Variants in ACVR2B observed in about 807,000 individuals in gnomAD.
ACVR2B encodes the protein activin A receptor type 2B, also known as activin receptor type-2B.
ACVR2B carries 18 observed loss-of-function variants against 65.1 expected under a neutral mutation model. The observed-to-expected ratio is 0.28, with a 90% CI of 0.19 to 0.41. The LOEUF is 0.41. ACVR2B is among the 10% of genes least tolerant of loss of function. The pLI, the probability that ACVR2B is intolerant of heterozygous loss-of-function variation, is 1.00. For missense variants in ACVR2B, 482 were observed against 682.7 expected, an observed-to-expected ratio of 0.71 and a Z score of 3.28; for synonymous variants, 298 against 277.7, an observed-to-expected ratio of 1.07 and a Z score of -0.73.
At chr3:38,478,972 C>T (rs1559654008) in intron 5 of ACVR2B, among the ~76,000 whole-genome samples, 156 bp from the exon 6 acceptor site, 3 of 150,474 alleles carry the variant, frequency 2.0e-5, no homozygotes, top group East Asian at 3.9e-4. Context: ...TCCTGGTCCC[C>T]TTACAAATGC....
chr3:38,483,459 C>G lies in ACVR2B; in HGVS notation c.*127C>G. The G allele has an allele frequency of 1.7e-6, 1 of 582,090 alleles. No homozygotes were observed. The highest frequency in any genetic ancestry group is 2.9e-6 in the Non-Finnish European group (1 of 349,588). The allele number at this position is 582,090 out of a possible 1,614,324, so 36.1% of individuals were successfully genotyped here. A position where few individuals can be genotyped will look rare whatever the true frequency, so the allele number is the denominator to read the frequency against. On this transcript the variant is annotated 3_prime_UTR_variant, in exon 11 of 11. Transcript: ENST00000352511. The surrounding 1 kb of genome is among the most constrained non-coding windows in gnomAD (Gnocchi z 4.8). ...AAATGCAGCTGCTATTTTACCTTGA[C>G]TTTTTATTATTATTATTATAATTAT...
intron 1 of ACVR2B, among the ~76,000 whole-genome samples, chr3:38,455,193 C>G (rs1709526165): frequency 6.6e-6 from 1 of 152,014 alleles, no homozygotes; most frequent in Non-Finnish European, 1.5e-5. Flanking sequence ...GGAGTTCCGC[C>G]TGGAAAGCTT....
intron 1 of ACVR2B, among the ~76,000 whole-genome samples, chr3:38,457,519 C>G (rs527653605): frequency 2.1e-4 from 32 of 152,340 alleles, no homozygotes; most frequent in African/African-American, 7.0e-4. Flanking sequence ...CTTTTGTGGT[C>G]TGTGCTTGGC....
At position 38,487,722 on chromosome 3, in the gene ACVR2B, G is replaced by C. The variant is rs1710146569; in HGVS notation, c.*4390G>C. 6.6e-6 allele frequency: 1 copy of C among 152,172 alleles called. No individual in the cohort carries two copies. Among genetic ancestry groups the C allele is most frequent in the African/African-American group, 2.4e-5 (1 of 41,440 alleles). The allele number at this position is 152,172 out of a possible 1,614,324, so 9.4% of individuals were successfully genotyped here. A position where few individuals can be genotyped will look rare whatever the true frequency, so the allele number is the denominator to read the frequency against. On this transcript the variant is annotated 3_prime_UTR_variant, in exon 11 of 11. Coordinates refer to ENST00000352511, the MANE Select transcript of ACVR2B (RefSeq NM_001106.4). ...AGTATAAAGTTTCCAGCATCTATTG[G>C]TAACACAAAGATTTGCTGGTTTTTA... is the stretch of plus-strand genomic sequence containing the variant.
At chr3:38,470,539 AT>A (rs879581817) in intron 1 of ACVR2B, among the ~76,000 whole-genome samples, 1 of 152,154 alleles carries the variant, frequency 6.6e-6, no homozygotes. Context: ...CTACTGAAAT[AT>A]TTTTTTTCAG....
At chr3:38,480,513 A>C (rs1048967645) in intron 7 of ACVR2B, among the ~76,000 whole-genome samples, 7 of 152,200 alleles carry the variant, frequency 4.6e-5, no homozygotes, top group African/African-American at 1.7e-4. Context: ...GAGGAACAGT[A>C]GTACAGAGAA....
chr3:38,488,612 T>G lies in ACVR2B; in HGVS notation c.*5280T>G, dbSNP rs1710161844. ...AAGAATTTACCATTATTTAAATTATTACCAAGTTTTTACATTTTCATGATG... is the reference window on the plus strand; with the variant it reads ...AAGAATTTACCATTATTTAAATTATGACCAAGTTTTTACATTTTCATGATG... On this transcript the variant is annotated 3_prime_UTR_variant, in exon 11 of 11. Coordinates refer to ENST00000352511, the MANE Select transcript of ACVR2B (RefSeq NM_001106.4). 6.6e-6 allele frequency: 1 copy of G among 152,236 alleles called. No individual in the cohort carries two copies. Among genetic ancestry groups the G allele is most frequent in the Non-Finnish European group, 1.5e-5 (1 of 68,040 alleles). The allele number at this position is 152,236 out of a possible 1,614,324, so 9.4% of individuals were successfully genotyped here. A position where few individuals can be genotyped will look rare whatever the true frequency, so the allele number is the denominator to read the frequency against.
intron 1 of ACVR2B, among the ~76,000 whole-genome samples, chr3:38,458,037 C>T (rs561795225): frequency 1.3e-5 from 2 of 152,076 alleles, no homozygotes; most frequent in Admixed American, 1.3e-4. Context: ...TCTTAGGGGC[C>T]CTTTCAAGGC....
Position 38,479,739 on chromosome 3 carries a change from C to T in ACVR2B, c.872C>T (p.Ala291Val). Reference sequence around the variant, plus strand: ...ACATGGAACGAACTGTGTCATGTAGCAGAGACGATGTCACGAGGCCTCTCA... The same window carrying T: ...ACATGGAACGAACTGTGTCATGTAGTAGAGACGATGTCACGAGGCCTCTCA... ...IITWNELCHV[A>V]ETMSRGLSYL... Residue 291 changes from alanine to valine, a missense_variant, in exon 7 of 11, where the codon GCA becomes GTA. Around this residue, in one of 5 missense-constraint regions of ACVR2B, gnomAD observed 223 missense variants for 386.3 expected, o/e 0.58. Coordinates refer to ENST00000352511, the MANE Select transcript of ACVR2B (RefSeq NM_001106.4). The T allele has an allele frequency of 6.2e-7, 1 of 1,614,198 alleles. No homozygotes were observed. The highest frequency in any genetic ancestry group is 2.2e-5 in the East Asian group (1 of 44,872).
At position 38,489,929 on chromosome 3, in the gene ACVR2B, C is replaced by T. The variant is rs1227171929; in HGVS notation, c.*6597C>T. On this transcript the variant is annotated 3_prime_UTR_variant, in exon 11 of 11. Coordinates refer to ENST00000352511, the MANE Select transcript of ACVR2B (RefSeq NM_001106.4). ...CAATTAAATGGAGAGCTGCCAGGCA[C>T]ATTTTGTCCTCTCTGGTCAGTGAGA... is the stretch of plus-strand genomic sequence containing the variant. The T allele has an allele frequency of 6.6e-6, 1 of 152,264 alleles. No individual in the cohort carries two copies. The highest frequency in any genetic ancestry group is 1.5e-5 in the Non-Finnish European group (1 of 68,046). 9.4% of individuals were successfully genotyped at this position (152,264 alleles called of 1,614,324 possible). A position where few individuals can be genotyped will look rare whatever the true frequency, so the allele number is the denominator to read the frequency against.
rs1710078610 is a variant in ACVR2B at position 38,484,401 on chromosome 3, G to C, written c.*1069G>C. On this transcript the variant is annotated 3_prime_UTR_variant, in exon 11 of 11. Coordinates refer to ENST00000352511, the MANE Select transcript of ACVR2B (RefSeq NM_001106.4). ...GGATTGTCCTGCACAGATAGGGCAA[G>C]AGGATTTCCTGGGTGGAGTCTGCCA... is the stretch of plus-strand genomic sequence containing the variant. 1 of 152,252 alleles carries C rather than the reference G, an allele frequency of 6.6e-6. No homozygotes were observed. 9.4% of individuals were successfully genotyped at this position (152,252 alleles called of 1,614,324 possible).
rs541512390 is a variant in ACVR2B at position 38,472,344 on chromosome 3, G to C, written c.53-4943G>C. Among the ~76,000 whole-genome samples the C allele has an allele frequency of 3.3e-5, 5 of 152,288 alleles. No individual in the cohort carries two copies. In the South Asian group the frequency reaches 1.0e-3, roughly 32 times the overall value. ...CTGAGCAGACTCAGGGCTGCCTTTC[G>C]AGGGGTGCTGTCTGTGGGGAGAGCT... On this transcript the variant is annotated intron_variant, in intron 1 of 10. Transcript: ENST00000352511.
At chr3:38,465,909 C>T (rs569760459) in intron 1 of ACVR2B, among the ~76,000 whole-genome samples, 1 of 152,254 alleles carries the variant, frequency 6.6e-6, no homozygotes, top group Non-Finnish European at 1.5e-5. Flanking sequence ...TTGAAAGCAG[C>T]TAGAGAAAAA....
intron 1 of ACVR2B, chr3:38,459,788 G>A (rs751698101): frequency 7.9e-5 from 43 of 542,800 alleles, no homozygotes; most frequent in African/African-American, 1.0e-4. Flanking sequence ...TGTGGGCAGC[G>A]CTGCCTTAGA....
At chr3:38,466,183 G>A (rs542802873) in intron 1 of ACVR2B, among the ~76,000 whole-genome samples, 35 of 152,326 alleles carry the variant, frequency 2.3e-4, no homozygotes, top group African/African-American at 4.8e-4. Context: ...GAAATAGAGC[G>A]TAGAATAGTG....
At chr3:38,454,639 A>G (rs1025004070) in intron 1 of ACVR2B, 7 of 315,648 alleles carry the variant, frequency 2.2e-5, no homozygotes, top group Non-Finnish European at 3.5e-5. Flanking sequence ...GCGGAGCCTC[A>G]GGGTCGGAGT....
chr3:38,459,486 C>T, intron 1 of ACVR2B: 1 of 591,922 alleles, frequency 1.7e-6, no homozygotes, highest in Non-Finnish European at 2.1e-6. Flanking sequence ...GCCTGCCCAG[C>T]AGCCCCTCTC....
rs1360440318 is a variant in ACVR2B, at chr3:38,485,386, C to T, written c.*2054C>T. ...CTGTGAAGCACACCGTGACTCAGGCCAGTCTTTTAGTGCAGCGTGTCTGGG... is the reference window on the plus strand; with the variant it reads ...CTGTGAAGCACACCGTGACTCAGGCTAGTCTTTTAGTGCAGCGTGTCTGGG... On this transcript the variant is annotated 3_prime_UTR_variant, in exon 11 of 11. Coordinates refer to ENST00000352511, the MANE Select transcript of ACVR2B (RefSeq NM_001106.4). The T allele has an allele frequency of 1.3e-5, 2 of 152,240 alleles. No individual in the cohort carries two copies. Among genetic ancestry groups the T allele is most frequent in the African/African-American group, 2.4e-5 (1 of 41,450 alleles). 9.4% of individuals were successfully genotyped at this position (152,240 alleles called of 1,614,324 possible).
At position 38,481,602 on chromosome 3, in the gene ACVR2B, T is replaced by C. The variant is rs772630178; in HGVS notation, c.1074+137T>C. The C allele has an allele frequency of 2.7e-6, 2 of 743,144 alleles. No individual in the cohort carries two copies. Among genetic ancestry groups the C allele is most frequent in the Non-Finnish European group, 4.7e-6 (2 of 422,270 alleles). The allele number at this position is 743,144 out of a possible 1,614,324, so 46.0% of individuals were successfully genotyped here. On this transcript the variant is annotated intron_variant, in intron 8 of 10. Coordinates refer to ENST00000352511, the MANE Select transcript of ACVR2B (RefSeq NM_001106.4). The surrounding 1 kb of genome is among the most constrained non-coding windows in gnomAD (Gnocchi z 4.7). ...GCTGTCTGAGAACTTAGAGCAATGC[T>C]CTTGTTTGACCAGTGGAGAAACCAA...
Sources: allele counts gnomAD v4.1 joint callset (sites outside exome capture counted in the v4.1 genomes callset), GRCh38; gene constraint gnomAD v4.1.1; regional missense constraint gnomAD v4.1.1; non-coding constraint Gnocchi (gnomAD v3.1); transcripts MANE v1.5; gene names NCBI Gene and HGNC (gene_info 2026-07-23, HGNC 2026-07-21).